Variants in NXF2B observed in about 807,000 individuals in gnomAD.
NXF2B encodes the protein nuclear RNA export factor 2B, also known as nuclear RNA export factor 2.
chrX:102,377,183 TGAGA>T (rs1348588913), intron 1 of NXF2B, among the ~76,000 whole-genome samples: 1 of 25,795 alleles, frequency 3.9e-5, no homozygotes, highest in Non-Finnish European at 7.5e-5. Flanking sequence ...TGTGTGTGTG[TGAGA>T]GAGAGAGAGC....
chrX:102,398,194 G>A (rs1475922521), intron 2 of NXF2B, among the ~76,000 whole-genome samples: 1 of 73,231 alleles, frequency 1.4e-5, no homozygotes, highest in African/African-American at 5.7e-5. Flanking sequence ...TCAGGGACAT[G>A]CTCATTAAAA....
At chrX:102,435,871 G>T (rs1371789088) in intron 2 of NXF2B, among the ~76,000 whole-genome samples, 1 of 58,456 alleles carries the variant, frequency 1.7e-5, no homozygotes, top group Non-Finnish European at 3.2e-5. Flanking sequence ...GCTCATGCCT[G>T]TAATCTCAGC....
At chrX:102,386,229 G>A (rs1456441409) in intron 2 of NXF2B, among the ~76,000 whole-genome samples, 2 of 115,048 alleles carry the variant, frequency 1.7e-5, no homozygotes, top group African/African-American at 3.1e-5. Flanking sequence ...ACAGGCGTGA[G>A]CCACCGCGCC....
intron 2 of NXF2B, among the ~76,000 whole-genome samples, chrX:102,398,029 A>G (rs1368301183): frequency 1.1e-5 from 1 of 88,900 alleles, no homozygotes; most frequent in Non-Finnish European, 2.2e-5. Context: ...TCTACAAGAA[A>G]CTCAATAAAA....
At chrX:102,398,111 A>G (rs1934338416) in intron 2 of NXF2B, among the ~76,000 whole-genome samples, 2 of 87,807 alleles carry the variant, frequency 2.3e-5, no homozygotes, top group African/African-American at 4.6e-5. Context: ...TCAAAAAAAA[A>G]AAAAAAAAAG....
At chrX:102,405,213 C>T (rs1231557374) in intron 2 of NXF2B, among the ~76,000 whole-genome samples, 1 of 78,284 alleles carries the variant, frequency 1.3e-5, no homozygotes, top group Non-Finnish European at 2.4e-5. Context: ...TGGCGTGAAC[C>T]CGGGAGGCGG....
chrX:102,439,742 C>T (rs1474504457), intron 1 of NXF2B, 128 bp downstream of exon 1: 1 of 13,173 alleles, frequency 7.6e-5, no homozygotes, highest in African/African-American at 5.7e-4. Context: ...TGTGGTGAGC[C>T]GAGATCGCGA....
chrX:102,392,570 CCAAA>C (rs1474781664), intron 2 of NXF2B, among the ~76,000 whole-genome samples: 1 of 89,418 alleles, frequency 1.1e-5, no homozygotes, highest in East Asian at 2.9e-4. Context: ...TGAAATGTCA[CCAAA>C]CAGTCTGCGT....
chrX:102,435,820 C>A (rs1934475364), intron 2 of NXF2B, among the ~76,000 whole-genome samples: 1 of 79,108 alleles, frequency 1.3e-5, no homozygotes, highest in African/African-American at 4.2e-5. Flanking sequence ...ACTGCAAAAT[C>A]TTGGAAGGAA....
In NXF2B at chrX:102,405,207, G is replaced by A. The variant is rs1483722760; in HGVS notation, c.-53-25118C>T. On this transcript the variant is annotated intron_variant, in intron 2 of 22. Transcript: ENST00000602195. The stretch of plus-strand genomic sequence containing the variant: ...CAGGAGGCTGAGGCAGGAGAATGGC[G>A]TGAACCCGGGAGGCGGAGCTTACAG... Among the ~76,000 whole-genome samples the A allele has an allele frequency of 4.4e-4, 36 of 80,954 alleles. No homozygotes were observed. In the East Asian group the frequency reaches 8.2e-3, roughly 18 times the overall value. The allele number at this position is 80,954 out of a possible 115,157, so 70.3% of individuals were successfully genotyped here.
chrX:102,397,792 A>G (rs1262766780), intron 2 of NXF2B, among the ~76,000 whole-genome samples: 1,316 of 107,080 alleles, frequency 0.012, 3 homozygotes, highest in African/African-American at 0.043. Context: ...TCATCTGACA[A>G]AGGGCTAATA....
At chrX:102,397,907 C>T (rs1247440313) in intron 2 of NXF2B, among the ~76,000 whole-genome samples, 4 of 114,797 alleles carry the variant, frequency 3.5e-5, no homozygotes, top group African/African-American at 1.3e-4. Flanking sequence ...CCTAATTAAA[C>T]TAAAAAGCTT....
At chrX:102,397,788 G>A (rs1324305516) in intron 2 of NXF2B, among the ~76,000 whole-genome samples, 1 of 107,035 alleles carries the variant, frequency 9.3e-6, no homozygotes, top group Non-Finnish European at 1.9e-5. Flanking sequence ...CTACTCATCT[G>A]ACAAAGGGCT....
At chrX:102,439,890 A>T (rs1934486889) in exon 1 of NXF2B, 1 of 12,746 alleles carries the variant, frequency 7.8e-5, no homozygotes, top group African/African-American at 5.4e-4. Flanking sequence ...GAAGACTTGG[A>T]ACCAACCTGG....
At chrX:102,412,594 G>A (rs201838776) in intron 2 of NXF2B, among the ~76,000 whole-genome samples, 3,332 of 4,735 alleles carry the variant, frequency 0.7, 996 homozygotes, top group Non-Finnish European at 0.77. Flanking sequence ...AAGAGGAAGA[G>A]GAAGAAGAAG....
intron 1 of NXF2B, among the ~76,000 whole-genome samples, chrX:102,377,368 CAT>C (rs1934244242): frequency 4.5e-5 from 2 of 44,734 alleles, no homozygotes; most frequent in African/African-American, 9.0e-5. Context: ...TTTCACAAGA[CAT>C]GTTTTCTGTT....
chrX:102,386,224 C>A lies in NXF2B; in HGVS notation c.-53-6135G>T, dbSNP rs1439369314. The stretch of plus-strand genomic sequence containing the variant: ...CCTCCCAAAGTGTTGGGATTACAGG[C>A]GTGAGCCACCGCGCCTGGCTGAGTC... On this transcript the variant is annotated intron_variant, in intron 2 of 22. Transcript: ENST00000602195. Among the ~76,000 whole-genome samples the A allele has an allele frequency of 3.4e-3, 397 of 115,090 alleles. 3 individuals are homozygous for A. Among genetic ancestry groups the A allele is most frequent in the African/African-American group, 0.012 (383 of 31,862 alleles).
At position 102,412,594 on chromosome X, in the gene NXF2B, G is replaced by GGAA. The variant is rs1251891728; in HGVS notation, c.-54+25956_-54+25958dup. ...AAGAAGAGGAAGAGGAAGAGGAAGA[G>GGAA]GAAGAAGAAGAAGAAGAAGAAGAAG... is the stretch of plus-strand genomic sequence containing the variant. On this transcript the variant is annotated intron_variant, in intron 2 of 22. Coordinates refer to the NXF2B transcript ENST00000602195. Among the ~76,000 whole-genome samples, 13 of 4,961 alleles carry GGAA rather than the reference G, an allele frequency of 2.6e-3. 4 individuals are homozygous for GGAA. The South Asian group carries it at 0.039, about 15-fold the overall frequency. 4.3% of individuals were successfully genotyped at this position (4,961 alleles called of 115,157 possible).
At chrX:102,392,412 CT>C (rs1934288346) in intron 2 of NXF2B, among the ~76,000 whole-genome samples, 1 of 94,510 alleles carries the variant, frequency 1.1e-5, no homozygotes, top group Admixed American at 1.1e-4. Context: ...CAAGAGCTAC[CT>C]TTGCTCTTGC....
Sources: allele counts gnomAD v4.1 joint callset (sites outside exome capture counted in the v4.1 genomes callset), GRCh38; gene constraint gnomAD v4.1.1; transcripts MANE v1.5; gene names NCBI Gene and HGNC (gene_info 2026-07-23, HGNC 2026-07-21).